Variants in PTPRD observed in about 807,000 individuals in gnomAD.
PTPRD encodes the protein protein tyrosine phosphatase receptor type D, also known as receptor-type tyrosine-protein phosphatase delta.
In PTPRD, 34 loss-of-function variants were observed where a neutral mutation model predicts 214.5. That is an observed-to-expected ratio of 0.16 (90% CI 0.12 to 0.21). The LOEUF (loss-of-function observed/expected upper bound fraction) is 0.21, where lower values mean the gene tolerates loss of function less well. PTPRD is among the 10% of genes least tolerant of loss of function. The pLI, the probability that PTPRD is intolerant of heterozygous loss-of-function variation, is 1.00. For missense variants in PTPRD, 2,545 were observed against 2,398.7 expected, an observed-to-expected ratio of 1.06 and a Z score of -1.27; for synonymous variants, 1,128 against 845.7, an observed-to-expected ratio of 1.33 and a Z score of -5.79.
At chr9:9,561,524 T>C (rs2082946826) in intron 8 of PTPRD, among the ~76,000 whole-genome samples, 1 of 152,172 alleles carries the variant, frequency 6.6e-6, no homozygotes, top group Admixed American at 6.5e-5. Flanking sequence ...CATCAAACCA[T>C]TTGGGGTAAA....
intron 3 of PTPRD, among the ~76,000 whole-genome samples, chr9:10,167,491 G>A (rs1036249222): frequency 1.3e-5 from 2 of 152,052 alleles, no homozygotes; most frequent in Non-Finnish European, 2.9e-5. Flanking sequence ...GTCCTCTTCA[G>A]GAAAGAGAAT....
chr9:9,175,386 G>C (rs191692517), intron 10 of PTPRD, among the ~76,000 whole-genome samples: 233 of 152,024 alleles, frequency 1.5e-3, no homozygotes, highest in African/African-American at 5.3e-3. Context: ...ACTTTGGGAG[G>C]CCAAGGCAGG....
At chr9:8,819,433 C>T (rs2096995778) in intron 11 of PTPRD, among the ~76,000 whole-genome samples, 1 of 152,058 alleles carries the variant, frequency 6.6e-6, no homozygotes, top group African/African-American at 2.4e-5. Flanking sequence ...GAGGCTGAAG[C>T]AGGCAGATCA....
intron 8 of PTPRD, among the ~76,000 whole-genome samples, chr9:9,454,852 CAT>C (rs566624713): frequency 8.2e-4 from 120 of 146,046 alleles, no homozygotes; most frequent in African/African-American, 2.0e-3. Flanking sequence ...TATATATACA[CAT>C]ATATATATAT....
At chr9:9,708,220 T>C (rs529143086) in intron 7 of PTPRD, among the ~76,000 whole-genome samples, 1 of 58,900 alleles carries the variant, frequency 1.7e-5, no homozygotes, top group South Asian at 6.0e-4. Context: ...GGGCCCAATT[T>C]CATTAATTTT....
chr9:8,797,493 A>G (rs2096463680), intron 11 of PTPRD, among the ~76,000 whole-genome samples: 3 of 152,196 alleles, frequency 2.0e-5, no homozygotes, highest in African/African-American at 7.2e-5. Flanking sequence ...GCAGTTAGGA[A>G]AAGTTCTTTC....
intron 10 of PTPRD, among the ~76,000 whole-genome samples, chr9:9,120,564 A>G (rs532901804): frequency 1.0e-3 from 157 of 152,352 alleles, no homozygotes; most frequent in African/African-American, 3.6e-3. Context: ...AAACATTTGC[A>G]GAGTTCCTGA....
At chr9:9,319,592 C>T (rs1160575590) in intron 9 of PTPRD, among the ~76,000 whole-genome samples, 1 of 152,146 alleles carries the variant, frequency 6.6e-6, no homozygotes, top group East Asian at 1.9e-4. Flanking sequence ...CTCATTTCCC[C>T]ATATGTCTTC....
intron 5 of PTPRD, among the ~76,000 whole-genome samples, chr9:9,916,233 T>C (rs991719129): frequency 7.2e-5 from 11 of 151,974 alleles, no homozygotes; most frequent in African/African-American, 2.4e-4. Flanking sequence ...TTCAAGAGAA[T>C]TGTAGCTCTA....
chr9:9,004,022 C>A (rs907897842), intron 11 of PTPRD, among the ~76,000 whole-genome samples: 5 of 152,024 alleles, frequency 3.3e-5, no homozygotes, highest in Non-Finnish European at 5.9e-5. Context: ...TTGCAAAGAC[C>A]AATACTGAGT....
intron 7 of PTPRD, among the ~76,000 whole-genome samples, chr9:9,729,788 A>C (rs747113938): frequency 6.6e-6 from 1 of 152,100 alleles, no homozygotes; most frequent in Non-Finnish European, 1.5e-5. Flanking sequence ...CATATTAGTA[A>C]ATTCATGAGA....
chr9:10,612,971 G>C lies in PTPRD; in HGVS notation c.-991C>G, dbSNP rs2081376076. Reference sequence around the variant, plus strand: ...CGCTCCCGCACTCGCTCGCTCGCTCGCTGGCGCTCCCTCCTCGTCTCGCTC... The same window carrying C: ...CGCTCCCGCACTCGCTCGCTCGCTCCCTGGCGCTCCCTCCTCGTCTCGCTC... On this transcript the variant is annotated 5_prime_UTR_variant, in exon 1 of 46. Coordinates refer to ENST00000381196, the MANE Select transcript of PTPRD (RefSeq NM_002839.4). 6.6e-6 allele frequency among the ~76,000 whole-genome samples: 1 copy of C among 151,390 alleles called. No homozygotes were observed. The highest frequency in any genetic ancestry group is 2.1e-4 in the South Asian group (1 of 4,818).
At chr9:8,961,646 T>A (rs968939784) in intron 11 of PTPRD, among the ~76,000 whole-genome samples, 5 of 152,132 alleles carry the variant, frequency 3.3e-5, no homozygotes, top group African/African-American at 1.2e-4. Flanking sequence ...TTGTGCCCCA[T>A]AGCTGAACAG....
chr9:8,695,394 G>A (rs1025770961), intron 12 of PTPRD, among the ~76,000 whole-genome samples: 5 of 127,132 alleles, frequency 3.9e-5, no homozygotes, highest in African/African-American at 1.2e-4. Context: ...CCCCACCCCC[G>A]CACCCCCACC....
At chr9:8,678,156 C>T (rs997063258) in intron 12 of PTPRD, among the ~76,000 whole-genome samples, 1 of 152,132 alleles carries the variant, frequency 6.6e-6, no homozygotes, top group Non-Finnish European at 1.5e-5. Flanking sequence ...ATCCAGAAAA[C>T]TGCTTCCTTG....
chr9:10,303,845 C>A (rs755940278), intron 3 of PTPRD, among the ~76,000 whole-genome samples: 1 of 152,086 alleles, frequency 6.6e-6, no homozygotes, highest in Admixed American at 6.6e-5. Context: ...CAAAGAGGAG[C>A]TGGTACCTTT....
intron 11 of PTPRD, among the ~76,000 whole-genome samples, chr9:8,923,223 G>A (rs2098840285): frequency 6.6e-6 from 1 of 151,502 alleles, no homozygotes; most frequent in Non-Finnish European, 1.5e-5. Flanking sequence ...TGTATTTTTA[G>A]TAGAGACAGG....
chr9:9,023,011 G>T (rs929858928), intron 10 of PTPRD, among the ~76,000 whole-genome samples: 3 of 151,994 alleles, frequency 2.0e-5, no homozygotes, highest in Non-Finnish European at 2.9e-5. Flanking sequence ...GGTTTCCCTT[G>T]GCTTTGAACA....
At chr9:9,601,350 T>G (rs2093755668) in intron 7 of PTPRD, among the ~76,000 whole-genome samples, 1 of 152,054 alleles carries the variant, frequency 6.6e-6, no homozygotes, top group African/African-American at 2.4e-5. Flanking sequence ...CCAGGAACAG[T>G]GACCTTCACA....
Sources: gnomAD v4.1 joint callset for allele counts (sites outside exome capture counted in the v4.1 genomes callset) on GRCh38, gnomAD v4.1.1 for gene constraint, MANE v1.5 for transcripts, NCBI Gene and HGNC (gene_info 2026-07-23, HGNC 2026-07-21) for gene names.